SRGAP1: variants seen among roughly 807,000 people sequenced by gnomAD.
The protein encoded by SRGAP1 is SLIT-ROBO Rho GTPase activating protein 1.
SRGAP1 carries 43 observed loss-of-function variants against 121.9 expected under a neutral mutation model. That is an observed-to-expected ratio of 0.35 (90% CI 0.28 to 0.46). SRGAP1 has a LOEUF of 0.46. Ranked by LOEUF, SRGAP1 falls within the 20% of genes least tolerant of loss-of-function variation. The pLI, the probability that SRGAP1 is intolerant of heterozygous loss-of-function variation, is 1.00. For synonymous variants in SRGAP1, 447 were observed against 485.4 expected (o/e 0.92, Z 1.04); for missense variants, 1,102 against 1,350.9 (o/e 0.82, Z 2.89).
chr12:64,137,356 A>C (rs1338952865), intron 21 of SRGAP1, among the ~76,000 whole-genome samples: 1 of 152,208 alleles, frequency 6.6e-6, no homozygotes. Flanking sequence ...CTTGTAAAAA[A>C]AAAAATCCAT....
intron 12 of SRGAP1, chr12:64,091,946 T>C: frequency 6.5e-7 from 1 of 1,533,736 alleles, no homozygotes; most frequent in Non-Finnish European, 8.7e-7. Flanking sequence ...TAGAGGGACG[T>C]GAGGGTGCTC....
At chr12:63,866,428 C>G (rs929273619) in intron 1 of SRGAP1, among the ~76,000 whole-genome samples, 7 of 152,192 alleles carry the variant, frequency 4.6e-5, no homozygotes, top group Admixed American at 1.3e-4. Context: ...TGTCTAACAT[C>G]ATTTCCATTG....
chr12:63,889,335 T>C (rs1230670642), intron 1 of SRGAP1, among the ~76,000 whole-genome samples: 1 of 152,080 alleles, frequency 6.6e-6, no homozygotes, highest in African/African-American at 2.4e-5. Flanking sequence ...ACCAGAGAGC[T>C]TTCACCTCCT....
chr12:64,033,691 T>G (rs1203648329), intron 4 of SRGAP1, among the ~76,000 whole-genome samples: 1 of 151,512 alleles, frequency 6.6e-6, no homozygotes, highest in East Asian at 2.0e-4. Context: ...ACACTTCAGC[T>G]TGGGTTACAG....
At chr12:63,985,967 G>A (rs2033401575) in intron 2 of SRGAP1, among the ~76,000 whole-genome samples, 1 of 152,114 alleles carries the variant, frequency 6.6e-6, no homozygotes. Flanking sequence ...CTTGGACCCT[G>A]CATAAAAAAA....
intron 1 of SRGAP1, among the ~76,000 whole-genome samples, chr12:63,941,378 T>C (rs2031859907): frequency 6.6e-6 from 1 of 152,160 alleles, no homozygotes; most frequent in Admixed American, 6.5e-5. Context: ...TGGGTTTTTT[T>C]ATGGTTAAAA....
rs111399602 is a variant in SRGAP1, at chr12:63,911,904, T to A, written c.67+67021T>A. Among the ~76,000 whole-genome samples, 1,335 of 152,298 alleles carry A rather than the reference T, an allele frequency of 8.8e-3. 23 individuals are homozygous for A. The highest frequency in any genetic ancestry group is 0.03 in the African/African-American group (1,242 of 41,564). The stretch of plus-strand genomic sequence containing the variant: ...ATAAGCTCTTCTCCATTGATTTTCC[T>A]TAGTCATTTTACTCCAGAGGCCTAT... On this transcript the variant is annotated intron_variant, in intron 1 of 21. Transcript: ENST00000355086.
At chr12:64,004,690 G>C (rs1163762565) in intron 3 of SRGAP1, among the ~76,000 whole-genome samples, 1 of 152,106 alleles carries the variant, frequency 6.6e-6, no homozygotes, top group Non-Finnish European at 1.5e-5. Flanking sequence ...CATTTTCAAA[G>C]AGGCATAGAC....
intron 1 of SRGAP1, among the ~76,000 whole-genome samples, chr12:63,854,465 A>C (rs1346895900): frequency 6.6e-6 from 1 of 152,216 alleles, no homozygotes. Flanking sequence ...TTTTCTTGAA[A>C]GTAATCTTGG....
chr12:64,067,770 C>G (rs1173232910), intron 8 of SRGAP1, among the ~76,000 whole-genome samples: 1 of 152,074 alleles, frequency 6.6e-6, no homozygotes, highest in Non-Finnish European at 1.5e-5. Flanking sequence ...TGAGGTCATT[C>G]AACAAGAAGC....
chr12:63,940,030 C>T (rs1386862602), intron 1 of SRGAP1, among the ~76,000 whole-genome samples: 1 of 151,854 alleles, frequency 6.6e-6, no homozygotes, highest in East Asian at 1.9e-4. Flanking sequence ...GGCGCAATCT[C>T]GGCTCACTAC....
intron 18 of SRGAP1, among the ~76,000 whole-genome samples, chr12:64,121,855 T>A (rs937851757): frequency 6.6e-6 from 1 of 152,166 alleles, no homozygotes; most frequent in East Asian, 1.9e-4. Context: ...AGAAAAACAT[T>A]GCTTACAAAG....
chr12:64,096,477 A>G (rs188153678), intron 14 of SRGAP1, among the ~76,000 whole-genome samples: 1 of 152,320 alleles, frequency 6.6e-6, no homozygotes, highest in East Asian at 1.9e-4. Context: ...TAAGGATTTT[A>G]TCTCTAGAGG....
intron 18 of SRGAP1, among the ~76,000 whole-genome samples, chr12:64,121,945 G>A (rs886117775): frequency 9.2e-5 from 14 of 152,132 alleles, no homozygotes; most frequent in Admixed American, 3.3e-4. Context: ...TTTGATTGCC[G>A]AGGTATTGTA....
chr12:64,156,632 T>C lies in SRGAP1; in HGVS notation c.*13960T>C, dbSNP rs1303716827. 6.6e-6 allele frequency: 1 copy of C among 152,192 alleles called. No individual in the cohort carries two copies. The highest frequency in any genetic ancestry group is 2.4e-5 in the African/African-American group (1 of 41,446). The allele number at this position is 152,192 out of a possible 1,614,324, so 9.4% of individuals were successfully genotyped here. A position where few individuals can be genotyped will look rare whatever the true frequency, so the allele number is the denominator to read the frequency against. ...TAAATGAATATTTATAGAAGTTAAATCTATTAATCTAGCCTTATTACACCG... is the reference window on the plus strand; with the variant it reads ...TAAATGAATATTTATAGAAGTTAAACCTATTAATCTAGCCTTATTACACCG... On this transcript the variant is annotated 3_prime_UTR_variant, in exon 22 of 22. Coordinates refer to ENST00000355086, the MANE Select transcript of SRGAP1 (RefSeq NM_020762.4).
At chr12:63,938,715 T>G (rs1294803742) in intron 1 of SRGAP1, among the ~76,000 whole-genome samples, 2 of 151,984 alleles carry the variant, frequency 1.3e-5, no homozygotes, top group East Asian at 3.9e-4. Flanking sequence ...CTACTGTTTG[T>G]GAAATCTCTT....
intron 1 of SRGAP1, among the ~76,000 whole-genome samples, chr12:63,980,093 C>A (rs551178485): frequency 6.6e-6 from 1 of 152,162 alleles, no homozygotes; most frequent in African/African-American, 2.4e-5. Context: ...CTCTGTTGTC[C>A]GGGCTGGAGT....
At chr12:63,992,944 A>G (rs1353665641) in intron 3 of SRGAP1, among the ~76,000 whole-genome samples, 3 of 152,140 alleles carry the variant, frequency 2.0e-5, no homozygotes, top group Non-Finnish European at 4.4e-5. Flanking sequence ...GAAGGGTAAC[A>G]AGTCATTACA....
rs1328448846 is a variant in SRGAP1 at position 64,160,482 on chromosome 12, C to G, written c.*17810C>G. On this transcript the variant is annotated 3_prime_UTR_variant, in exon 22 of 22. Transcript: ENST00000355086. ...CCCAGTGTAAGTGGAAATGACCCAG[C>G]CCTAGATTTACTTGGCTTTAGTTTC... The G allele has an allele frequency of 1.3e-5, 2 of 152,124 alleles. No individual in the cohort carries two copies. The highest frequency in any genetic ancestry group is 2.9e-5 in the Non-Finnish European group (2 of 68,040). 9.4% of individuals were successfully genotyped at this position (152,124 alleles called of 1,614,324 possible).
Sources: allele counts gnomAD v4.1 joint callset (sites outside exome capture counted in the v4.1 genomes callset), GRCh38; gene constraint gnomAD v4.1.1; transcripts MANE v1.5; gene names NCBI Gene and HGNC (gene_info 2026-07-23, HGNC 2026-07-21).